The following PLD4 variants were observed in gnomAD, a reference collection of about 807,000 sequenced individuals.
The protein encoded by PLD4 is 5'-3' exonuclease PLD4.
In PLD4, 54 loss-of-function variants were observed where a neutral mutation model predicts 52.3. That is an observed-to-expected ratio of 1.03 (90% CI 0.83 to 1.30). The LOEUF (loss-of-function observed/expected upper bound fraction) is 1.30. PLD4 is among the 50% of genes most tolerant of loss of function. The pLI is 0.00. For missense variants in PLD4, 731 were observed against 671.1 expected (o/e 1.09, Z -0.99); for synonymous variants, 264 against 286.5 (o/e 0.92, Z 0.79).
chr14:104,930,698 C>T, intron 6 of PLD4, 44 bp from the exon 7 acceptor site: 1 of 1,604,388 alleles, frequency 6.2e-7, no homozygotes, highest in Non-Finnish European at 8.5e-7. Flanking sequence ...GGAGGCCCCA[C>T]AGAGGGGTTT....
rs372484745 is a variant in PLD4, at chr14:104,931,820, G to T, written c.991G>T (p.Ala331Ser). The T allele has an allele frequency of 3.2e-6, 5 of 1,573,972 alleles. No homozygotes were observed. Among genetic ancestry groups the T allele is most frequent in the Admixed American group, 1.8e-5 (1 of 54,962 alleles). ...LEALLAVMGS[A>S]QEFIYASVME... The stretch of plus-strand genomic sequence containing the variant: ...GGCGCTGCTGGCGGTGATGGGGAGC[G>T]CCCAGGAGTTCATCTATGCCTCCGT... The change falls in exon 8 of 11, where the codon GCC becomes TCC. Residue 331 changes from alanine (A) to serine (S), a missense_variant. Physicochemically the swap from Ala to Ser is moderately conservative, Grantham distance 99. Transcript: ENST00000392593.
intron 6 of PLD4, 114 bp from the exon 7 acceptor site, chr14:104,930,628 G>T: frequency 9.0e-7 from 1 of 1,108,544 alleles, no homozygotes. Context: ...CCCGCAAGTG[G>T]GGACCAGTCG....
rs753514669 is a variant in PLD4 at position 104,931,768 on chromosome 14, T to TC, written c.943dup (p.Gln315ProfsTer168). ...CACAGGCGTCGCCACCAGCACTCTGTCCCCAGGGCCGCACCCGGGACCTGG... is the reference window on the plus strand; with the variant it reads ...CACAGGCGTCGCCACCAGCACTCTGTCCCCCAGGGCCGCACCCGGGACCTGG... On this transcript the variant is annotated frameshift_variant, in exon 8 of 11. Coordinates refer to ENST00000392593, the MANE Select transcript of PLD4 (RefSeq NM_138790.5). LOFTEE classifies it high-confidence loss of function. The TC allele has an allele frequency of 6.3e-7, 1 of 1,587,930 alleles. No individual in the cohort carries two copies. Among genetic ancestry groups the TC allele is most frequent in the Non-Finnish European group, 8.6e-7 (1 of 1,168,548 alleles).
downstream of PLD4, chr14:104,935,792 ACTGGGGCCCTCAATCAT>A (rs1897794239): frequency 1.3e-5 from 2 of 152,186 alleles, no homozygotes; most frequent in South Asian, 4.1e-4. Flanking sequence ...CTAGCAAGAA[ACTGGGGCCCTCAATCAT>A]CCCATCCACA....
intron 3 of PLD4, 119 bp downstream of exon 3, chr14:104,927,985 G>A (rs752982301): frequency 5.8e-6 from 7 of 1,200,640 alleles, no homozygotes; most frequent in Non-Finnish European, 7.9e-6. Flanking sequence ...CTCCAGGAAG[G>A]TGCAGGTCAC....
chr14:104,927,076 C>T (rs1897479363), intron 1 of PLD4, 65 bp from the exon 2 acceptor site: 4 of 1,421,568 alleles, frequency 2.8e-6, no homozygotes, highest in Non-Finnish European at 2.8e-6. Flanking sequence ...CCCAGCTGCC[C>T]AGGCACTGAG....
At chr14:104,927,020 G>A in intron 1 of PLD4, 121 bp from the exon 2 acceptor site, 1 of 845,288 alleles carries the variant, frequency 1.2e-6, no homozygotes, top group Non-Finnish European at 1.7e-6. Context: ...TGAGTGGGGG[G>A]CTTTTGGGGG....
At chr14:104,931,452 T>G (rs1320336789) in intron 7 of PLD4, among the ~76,000 whole-genome samples, 2 of 150,050 alleles carry the variant, frequency 1.3e-5, no homozygotes, top group Non-Finnish European at 3.0e-5. Context: ...TAGATGGGGG[T>G]GGGGGTGGCA....
At chr14:104,926,301 C>T (rs1011387989) in intron 1 of PLD4, among the ~76,000 whole-genome samples, 3 of 152,216 alleles carry the variant, frequency 2.0e-5, no homozygotes, top group South Asian at 2.1e-4. Flanking sequence ...TCCCTGCACC[C>T]GGGGAGGGCG....
chr14:104,927,258 G>A, intron 2 of PLD4, 28 bp downstream of exon 2: 2 of 1,510,942 alleles, frequency 1.3e-6, no homozygotes, highest in African/African-American at 2.8e-5. Flanking sequence ...CAGGGGGGAG[G>A]TGGCTGGGAT....
rs1897682343 is a variant in PLD4 at position 104,932,325 on chromosome 14, T to C, written c.1291T>C (p.Phe431Leu). 1 of 1,612,498 alleles carries C rather than the reference T, an allele frequency of 6.2e-7. No individual in the cohort carries two copies. The highest frequency in any genetic ancestry group is 1.1e-5 in the South Asian group (1 of 91,074). The change falls in exon 10 of 11, where the codon TTC becomes CTC. Residue 431 changes from phenylalanine to leucine, a missense_variant. Transcript: ENST00000392593. The surrounding 1 kb of genome is among the most constrained non-coding windows in gnomAD (Gnocchi z 6.5). The part of the protein sequence containing the change: ...IPFSRVNHSK[F>L]MVTEKAAYIG... The stretch of plus-strand genomic sequence containing the variant: ...ATTCAGCAGGGTGAACCACAGCAAG[T>C]TCATGGTCACGGAGAAGGCAGCCTA...
At position 104,927,753 on chromosome 14, in the gene PLD4, T is replaced by A. The variant is rs1897505066; in HGVS notation, c.171T>A (p.Pro57=). ...LICLLWQVPR[P]PTWGQVQPKD... is the part of the protein sequence containing the mutation. ...GCCTCCTGTGGCAAGTGCCCCGTCC[T>A]CCCACCTGGGGCCAGGTGCAGCCCA... Residue 57 remains proline, a synonymous_variant, in exon 3 of 11, where the codon CCT becomes CCA. Coordinates refer to ENST00000392593, the MANE Select transcript of PLD4 (RefSeq NM_138790.5). The A allele has an allele frequency of 1.3e-6, 2 of 1,599,104 alleles. No homozygotes were observed. The highest frequency in any genetic ancestry group is 2.2e-5 in the South Asian group (2 of 89,304).
At chr14:104,926,839 G>T (rs1028417494) in intron 1 of PLD4, among the ~76,000 whole-genome samples, 1 of 152,248 alleles carries the variant, frequency 6.6e-6, no homozygotes, top group African/African-American at 2.4e-5. Context: ...ACGCCCGCCC[G>T]CCCCTCGTGC....
intron 3 of PLD4, 114 bp downstream of exon 3, chr14:104,927,980 G>A: frequency 8.3e-7 from 1 of 1,211,784 alleles, no homozygotes; most frequent in Non-Finnish European, 1.1e-6. Context: ...AGCTCCTCCA[G>A]GAAGGTGCAG....
downstream of PLD4, chr14:104,934,430 T>A (rs1191784234): frequency 1.3e-5 from 2 of 152,208 alleles, no homozygotes; most frequent in Admixed American, 1.3e-4. Context: ...GTTCCCACTC[T>A]TCTGCTATGA....
downstream of PLD4, chr14:104,937,533 A>G (rs1595386114): frequency 6.6e-6 from 1 of 152,456 alleles, no homozygotes. Flanking sequence ...GAAACTTGCC[A>G]TTAGTGAGGC....
downstream of PLD4, chr14:104,937,062 C>T (rs1403310261): frequency 6.6e-6 from 1 of 152,254 alleles, no homozygotes; most frequent in African/African-American, 2.4e-5. Context: ...GAACTCAGCC[C>T]TATCTTCCTT....
chr14:104,931,559 C>G (rs1489311391), intron 7 of PLD4, among the ~76,000 whole-genome samples, 189 bp from the exon 8 acceptor site: 2 of 152,174 alleles, frequency 1.3e-5, no homozygotes, highest in Admixed American at 1.3e-4. Context: ...CTTCCCCACT[C>G]TCTCCGCCAG....
chr14:104,933,257 C>T (rs895855436), downstream of PLD4: 65 of 339,138 alleles, frequency 1.9e-4, no homozygotes, highest in African/African-American at 1.2e-3. Flanking sequence ...TGTGTGAGTC[C>T]CGCGCGGGCG....
Sources: allele counts gnomAD v4.1 joint callset (sites outside exome capture counted in the v4.1 genomes callset), GRCh38; gene constraint gnomAD v4.1.1; non-coding constraint Gnocchi (gnomAD v3.1); transcripts MANE v1.5; gene names NCBI Gene and HGNC (gene_info 2026-07-23, HGNC 2026-07-21).